Variants in IGSF11 observed in about 807,000 individuals in gnomAD.
The protein encoded by IGSF11 is CXADR like 1.
IGSF11 carries 22 observed loss-of-function variants against 41.0 expected under a neutral mutation model. That is an observed-to-expected ratio of 0.54 (90% CI 0.38 to 0.77). The LOEUF is 0.77. Ranked by LOEUF, IGSF11 falls within the 30% of genes least tolerant of loss-of-function variation. The probability of loss-of-function intolerance (pLI) is 0.00; values close to 1 mark genes in which losing one functional copy is unlikely to be tolerated. For synonymous variants in IGSF11, 219 were observed against 201.3 expected (o/e 1.09, Z -0.74); for missense variants, 444 against 530.8 (o/e 0.84, Z 1.61).
intron 1 of IGSF11, among the ~76,000 whole-genome samples, chr3:119,077,982 A>C (rs1371358973): frequency 1.3e-5 from 2 of 152,200 alleles, no homozygotes; most frequent in African/African-American, 2.4e-5. Flanking sequence ...AGATCTCTAC[A>C]ACAACAATTA....
At chr3:119,012,795 C>G (rs1938281489) in intron 1 of IGSF11, 1 of 152,224 alleles carries the variant, frequency 6.6e-6, no homozygotes, top group South Asian at 2.1e-4. Context: ...ACAACCACGA[C>G]AGCCTCAACT....
intron 1 of IGSF11, among the ~76,000 whole-genome samples, chr3:119,050,810 G>T (rs941011672): frequency 2.0e-5 from 3 of 151,766 alleles, no homozygotes; most frequent in Non-Finnish European, 2.9e-5. Flanking sequence ...GGAATACTAT[G>T]CAGCCATAAA....
chr3:119,064,567 C>T (rs73856949), intron 1 of IGSF11, among the ~76,000 whole-genome samples: 14 of 131,026 alleles, frequency 1.1e-4, no homozygotes, highest in African/African-American at 3.7e-4. Context: ...CCTCAATTTA[C>T]ACAATAAAAT....
At chr3:119,118,746 C>T (rs567502045) in intron 1 of IGSF11, among the ~76,000 whole-genome samples, 7 of 152,300 alleles carry the variant, frequency 4.6e-5, no homozygotes, top group East Asian at 1.9e-4. Flanking sequence ...CCCTGTTTCT[C>T]TTTCAAAATT....
At chr3:119,115,102 T>G (rs1364764373) in intron 1 of IGSF11, among the ~76,000 whole-genome samples, 1 of 152,142 alleles carries the variant, frequency 6.6e-6, no homozygotes, top group Non-Finnish European at 1.5e-5. Flanking sequence ...TCCTTGAACA[T>G]TGGGGTTACA....
At chr3:119,016,306 G>C (rs907322945) in intron 1 of IGSF11, among the ~76,000 whole-genome samples, 2 of 152,162 alleles carry the variant, frequency 1.3e-5, no homozygotes, top group African/African-American at 2.4e-5. Context: ...GGTTCTCAAA[G>C]TAAAAACTGC....
intron 1 of IGSF11, among the ~76,000 whole-genome samples, chr3:119,074,830 C>T (rs990677206): frequency 9.9e-5 from 15 of 151,522 alleles, no homozygotes; most frequent in Admixed American, 3.9e-4. Flanking sequence ...CCAGCCTGGG[C>T]GACAGAGCGA....
At position 118,905,716 on chromosome 3, in the gene IGSF11, G is replaced by C; in HGVS notation, c.583C>G (p.Gln195Glu). 1 of 1,613,446 alleles carries C rather than the reference G, an allele frequency of 6.2e-7. No individual in the cohort carries two copies. The highest frequency in any genetic ancestry group is 8.5e-7 in the Non-Finnish European group (1 of 1,179,570). ...LKLPPTATQD[Q>E]VQGTVTIRNI... ...CGGATGGTGACTGTTCCCTGGACCTGGTCTGTCACAAAAATAATAACCGAG... is the reference window on the plus strand; with the variant it reads ...CGGATGGTGACTGTTCCCTGGACCTCGTCTGTCACAAAAATAATAACCGAG... Residue 195 changes from glutamine (Q) to glutamate (E), a missense_variant and splice_region_variant, in exon 5 of 7, where the codon CAG (glutamine) becomes GAG (glutamate). Transcript: ENST00000393775.
At chr3:119,145,449 C>T (rs1297531763) in intron 1 of IGSF11, among the ~76,000 whole-genome samples, 1 of 152,188 alleles carries the variant, frequency 6.6e-6, no homozygotes, top group African/African-American at 2.4e-5. Flanking sequence ...ACAAATTCTC[C>T]ACTTGCTAAA....
intron 1 of IGSF11, chr3:119,013,242 T>C (rs1938335353): frequency 6.6e-6 from 1 of 152,294 alleles, no homozygotes; most frequent in Non-Finnish European, 1.5e-5. Flanking sequence ...GCCCCTCATC[T>C]TGCAAGACTT....
chr3:119,057,649 G>GAACCC (rs968921381), intron 1 of IGSF11, among the ~76,000 whole-genome samples: 27 of 152,272 alleles, frequency 1.8e-4, no homozygotes, highest in African/African-American at 5.3e-4. Flanking sequence ...AACCAAAAAA[G>GAACCC]AACCCGCATT....
chr3:119,111,968 G>A (rs1477324324), intron 1 of IGSF11, among the ~76,000 whole-genome samples: 3 of 152,230 alleles, frequency 2.0e-5, no homozygotes, highest in Non-Finnish European at 2.9e-5. Flanking sequence ...TCTCAGAGGA[G>A]TACCCAGCTG....
chr3:119,028,589 TC>T (rs1210861880), intron 1 of IGSF11, among the ~76,000 whole-genome samples: 1 of 151,604 alleles, frequency 6.6e-6, no homozygotes, highest in African/African-American at 2.4e-5. Context: ...GCTTCAGAAT[TC>T]CTTAGGAAAA....
intron 1 of IGSF11, among the ~76,000 whole-genome samples, chr3:119,050,600 G>A (rs1941580278): frequency 6.6e-6 from 1 of 151,820 alleles, no homozygotes; most frequent in Non-Finnish European, 1.5e-5. Context: ...ATTCCTCAGG[G>A]ATCTAGAACT....
At chr3:118,916,202 C>T (rs867796797) in intron 4 of IGSF11, among the ~76,000 whole-genome samples, 10,900 of 148,868 alleles carry the variant, frequency 0.073, 514 homozygotes, top group Admixed American at 0.15. Flanking sequence ...CATCAACTAA[C>T]GAGCAAAATC....
intron 1 of IGSF11, among the ~76,000 whole-genome samples, chr3:118,962,765 G>A (rs1179688329): frequency 6.6e-6 from 1 of 152,104 alleles, no homozygotes; most frequent in African/African-American, 2.4e-5. Context: ...ACCTACAAAT[G>A]AGTGGTAGGC....
chr3:118,902,585 G>A lies in IGSF11; in HGVS notation c.1231C>T (p.Leu411=). 1.2e-6 allele frequency: 2 copies of A among 1,614,020 alleles called. No homozygotes were observed. Among genetic ancestry groups the A allele is most frequent in the East Asian group, 2.2e-5 (1 of 44,854 alleles). The part of the protein sequence containing the change: ...THSYTISHAT[L]ERIGAVPVMV... ...ACAGGTACTGCACCAATTCGTTCCAGTGTTGCGTGGCTGATGGTGTAGGAA... is the reference window on the plus strand; with the variant it reads ...ACAGGTACTGCACCAATTCGTTCCAATGTTGCGTGGCTGATGGTGTAGGAA... Residue 411 remains leucine, a synonymous_variant, in exon 7 of 7, where the codon CTG becomes TTG. Transcript: ENST00000393775.
intron 1 of IGSF11, among the ~76,000 whole-genome samples, chr3:119,144,616 C>T (rs1411485645): frequency 6.6e-6 from 1 of 151,952 alleles, no homozygotes; most frequent in Non-Finnish European, 1.5e-5. Context: ...GAAAACATAA[C>T]ACCAAACACT....
intron 1 of IGSF11, among the ~76,000 whole-genome samples, chr3:118,965,791 T>A (rs1270680986): frequency 6.6e-6 from 1 of 152,106 alleles, no homozygotes; most frequent in Admixed American, 6.6e-5. Flanking sequence ...CCCTGCAAAA[T>A]GTATGTTATG....
Sources: gnomAD v4.1 joint callset for allele counts (sites outside exome capture counted in the v4.1 genomes callset) on GRCh38, gnomAD v4.1.1 for gene constraint, MANE v1.5 for transcripts, NCBI Gene and HGNC (gene_info 2026-07-23, HGNC 2026-07-21) for gene names.